DNAJA4: variants seen among roughly 807,000 people sequenced by gnomAD.
DNAJA4 encodes dnaJ homolog subfamily A member 4.
Under a neutral mutation model 39.7 loss-of-function variants are expected in DNAJA4, and 32 were observed. That is an observed-to-expected ratio of 0.81 (90% CI 0.61 to 1.08). The LOEUF (loss-of-function observed/expected upper bound fraction) is 1.08. Among genes scored for constraint, DNAJA4 ranks in the 50% least tolerant of loss-of-function variants. The pLI is 0.00. For synonymous variants in DNAJA4, 184 were observed against 182.4 expected (o/e 1.01, Z -0.07); for missense variants, 439 against 505.1 (o/e 0.87, Z 1.25).
At position 78,280,242 on chromosome 15, in the gene DNAJA4, C is replaced by T. The variant is rs888729730; in HGVS notation, c.979-3C>T. ...CCTTTCTTTCCCACCTCACCCTTTACAGGTAATCTTTCCTGAAAAACACTG... is the reference window on the plus strand; with the variant it reads ...CCTTTCTTTCCCACCTCACCCTTTATAGGTAATCTTTCCTGAAAAACACTG... On this transcript the variant is annotated splice_region_variant and splice_polypyrimidine_tract_variant and intron_variant, in intron 6 of 6. Transcript: ENST00000394852. 6.2e-7 allele frequency: 1 copy of T among 1,613,834 alleles called. No individual in the cohort carries two copies. The highest frequency in any genetic ancestry group is 1.3e-5 in the African/African-American group (1 of 75,034).
At chr15:78,277,215 T>C (rs2049491216) in intron 5 of DNAJA4, among the ~76,000 whole-genome samples, 1 of 152,176 alleles carries the variant, frequency 6.6e-6, no homozygotes, top group Admixed American at 6.5e-5. Flanking sequence ...ACAGGGGTCT[T>C]GCTCTGTCGC....
At chr15:78,265,535 G>C (rs2141423716) in intron 1 of DNAJA4, 1 of 702,334 alleles carries the variant, frequency 1.4e-6, no homozygotes, top group East Asian at 2.7e-5. Flanking sequence ...TGGGTTTTCG[G>C]TGACAAGTGA....
intron 1 of DNAJA4, among the ~76,000 whole-genome samples, chr15:78,269,429 TG>T (rs1240531777): frequency 6.6e-6 from 1 of 152,192 alleles, no homozygotes; most frequent in Non-Finnish European, 1.5e-5. Context: ...AAAACATGAG[TG>T]ATACAATGAA....
chr15:78,273,260 T>C, intron 3 of DNAJA4, 61 bp downstream of exon 3: 4 of 1,008,964 alleles, frequency 4.0e-6, no homozygotes, highest in South Asian at 2.7e-5. Context: ...GAAACAATGC[T>C]TGTTTTATAG....
chr15:78,270,472 A>ATC lies in DNAJA4; in HGVS notation c.133-9_133-8dup, dbSNP rs536069277. ...CAAAACAACTGAAACTTCTCTAAAA[A>ATC]TCTCTCTCTCTCTCTCTTTTAAAGT... On this transcript the variant is annotated intron_variant, in intron 1 of 6. Transcript: ENST00000394852. The ATC allele has an allele frequency of 3.4e-4, 526 of 1,540,660 alleles. 2 individuals carry two copies. The highest frequency in any genetic ancestry group is 1.5e-3 in the Admixed American group (82 of 54,296).
chr15:78,266,606 CTT>C (rs921768177), intron 1 of DNAJA4, among the ~76,000 whole-genome samples: 3 of 152,210 alleles, frequency 2.0e-5, no homozygotes, highest in Non-Finnish European at 4.4e-5. Flanking sequence ...GGATAAAACT[CTT>C]TAGTTCTCAG....
chr15:78,277,880 C>T (rs1368695973), intron 5 of DNAJA4: 1 of 359,316 alleles, frequency 2.8e-6, no homozygotes, highest in Admixed American at 3.7e-5. Context: ...ATCCAGGAAA[C>T]CTGCCGTTGG....
intron 5 of DNAJA4, 145 bp downstream of exon 5, chr15:78,275,873 T>A: frequency 1.6e-6 from 1 of 634,374 alleles, no homozygotes; most frequent in Non-Finnish European, 2.7e-6. Flanking sequence ...ATAAAATGGG[T>A]AATGATCAAG....
intron 5 of DNAJA4, among the ~76,000 whole-genome samples, chr15:78,278,651 CTG>C (rs1056531938): frequency 7.9e-5 from 12 of 151,776 alleles, no homozygotes; most frequent in African/African-American, 2.4e-4. Context: ...CTGTGCATGA[CTG>C]TATTTCTTTT....
intron 1 of DNAJA4, among the ~76,000 whole-genome samples, chr15:78,269,434 C>G (rs371340353): frequency 2.0e-5 from 3 of 152,172 alleles, no homozygotes; most frequent in Admixed American, 6.5e-5. Context: ...ATGAGTGATA[C>G]AATGAACACC....
chr15:78,278,430 G>T, intron 5 of DNAJA4: 1 of 389,992 alleles, frequency 2.6e-6, no homozygotes, highest in East Asian at 7.3e-5. Context: ...CACAGACCTA[G>T]ATAGCATAGC....
At chr15:78,265,912 TGTTA>T (rs1312828504) in intron 1 of DNAJA4, 72 of 592,684 alleles carry the variant, frequency 1.2e-4, no homozygotes, top group Non-Finnish European at 1.8e-4. Flanking sequence ...TACCTGTCTG[TGTTA>T]GTTGTTCCAA....
intron 5 of DNAJA4, among the ~76,000 whole-genome samples, chr15:78,277,538 C>G (rs137960945): frequency 2.6e-5 from 4 of 152,316 alleles, no homozygotes; most frequent in Admixed American, 2.6e-4. Context: ...ACAGTTTACA[C>G]GAAGCTCCAG....
At chr15:78,278,536 C>G (rs150804414) in intron 5 of DNAJA4, among the ~76,000 whole-genome samples, 1 of 152,096 alleles carries the variant, frequency 6.6e-6, no homozygotes, top group African/African-American at 2.4e-5. Context: ...AGTTGTAGTA[C>G]GATGCTGAGT....
At chr15:78,266,848 T>C (rs2049136208) in intron 1 of DNAJA4, among the ~76,000 whole-genome samples, 1 of 152,200 alleles carries the variant, frequency 6.6e-6, no homozygotes. Flanking sequence ...AAAATGTTTG[T>C]TAGCTGGCTG....
In DNAJA4 at chr15:78,274,112, T is replaced by C. The variant is rs1284311504; in HGVS notation, c.419-85T>C. 7.6e-6 allele frequency: 10 copies of C among 1,322,328 alleles called. No homozygotes were observed. The East Asian group carries it at 2.2e-4, about 29-fold the overall frequency. 81.9% of individuals were successfully genotyped at this position (1,322,328 alleles called of 1,614,324 possible). On this transcript the variant is annotated intron_variant, in intron 3 of 6. Coordinates refer to ENST00000394852, the MANE Select transcript of DNAJA4 (RefSeq NM_001130182.2). ...TAAGCCCATTGTCCAATGTGAGGGTTCCCTACCCTTCTGCCATGGCGCCCA... is the reference window on the plus strand; with the variant it reads ...TAAGCCCATTGTCCAATGTGAGGGTCCCCTACCCTTCTGCCATGGCGCCCA...
At chr15:78,271,318 C>T (rs1034751539) in intron 2 of DNAJA4, among the ~76,000 whole-genome samples, 5 of 152,100 alleles carry the variant, frequency 3.3e-5, no homozygotes, top group Non-Finnish European at 5.9e-5. Context: ...TAGATGACGC[C>T]GCCTGTGGTT....
At chr15:78,265,775 T>C (rs1196275082) in intron 1 of DNAJA4, 3 of 659,718 alleles carry the variant, frequency 4.5e-6, no homozygotes, top group Non-Finnish European at 8.2e-6. Flanking sequence ...CTTTGGTTGT[T>C]CCGCATGGGT....
At chr15:78,273,290 C>A in intron 3 of DNAJA4, 91 bp downstream of exon 3, 1 of 844,648 alleles carries the variant, frequency 1.2e-6, no homozygotes, top group South Asian at 1.5e-5. Flanking sequence ...AATAAGTTAT[C>A]TTTTTTCAAA....
Sources: gnomAD v4.1 joint callset for allele counts (sites outside exome capture counted in the v4.1 genomes callset) on GRCh38, gnomAD v4.1.1 for gene constraint, MANE v1.5 for transcripts, NCBI Gene and HGNC (gene_info 2026-07-23, HGNC 2026-07-21) for gene names.